LCLAT1: variants seen among roughly 807,000 people sequenced by gnomAD.
LCLAT1 encodes the protein 1-AGP acyltransferase 8.
In LCLAT1, 11 loss-of-function variants were observed where a neutral mutation model predicts 30.7. The ratio of observed to expected loss-of-function variants is 0.36; its 90% CI spans 0.23 to 0.59. The LOEUF is 0.59. Among genes scored for constraint, LCLAT1 ranks in the 20% least tolerant of loss-of-function variants. LCLAT1 has a pLI of 0.77. For missense variants in LCLAT1, 402 were observed against 458.6 expected (o/e 0.88, Z 1.13); for synonymous variants, 155 against 151.3 (o/e 1.02, Z -0.18).
intron 1 of LCLAT1, among the ~76,000 whole-genome samples, chr2:30,516,469 G>A (rs182471426): frequency 1.1e-4 from 17 of 152,286 alleles, no homozygotes; most frequent in African/African-American, 3.4e-4. Context: ...TTGTTTCTGC[G>A]CGGCTAAGTG....
chr2:30,630,298 T>G (rs531816856), intron 5 of LCLAT1, among the ~76,000 whole-genome samples: 12 of 152,154 alleles, frequency 7.9e-5, no homozygotes, highest in African/African-American at 2.9e-4. Flanking sequence ...TATAGTCACA[T>G]TGGGGGTTAG....
At chr2:30,485,626 T>A (rs1683526430) in intron 1 of LCLAT1, among the ~76,000 whole-genome samples, 1 of 152,186 alleles carries the variant, frequency 6.6e-6, no homozygotes, top group Non-Finnish European at 1.5e-5. Flanking sequence ...CATAGTTGAA[T>A]GATGACATTT....
intron 5 of LCLAT1, among the ~76,000 whole-genome samples, chr2:30,613,074 C>T (rs7597579): frequency 0.13 from 19,803 of 152,060 alleles, 1,394 homozygotes; most frequent in South Asian, 0.23. Flanking sequence ...GGAACAATAA[C>T]GTGCCTGAGA....
intron 5 of LCLAT1, among the ~76,000 whole-genome samples, chr2:30,638,764 C>T (rs560958311): frequency 2.6e-5 from 4 of 152,234 alleles, no homozygotes; most frequent in South Asian, 2.1e-4. Flanking sequence ...ATTGACTCCT[C>T]CCTGCTCCTC....
chr2:30,512,410 G>A (rs1684981767), intron 1 of LCLAT1, among the ~76,000 whole-genome samples: 1 of 151,972 alleles, frequency 6.6e-6, no homozygotes, highest in Admixed American at 6.6e-5. Flanking sequence ...TCTTTTGTCT[G>A]CCTCAAGAGA....
intron 1 of LCLAT1, among the ~76,000 whole-genome samples, chr2:30,460,934 G>A (rs1025608109): frequency 6.6e-6 from 1 of 152,196 alleles, no homozygotes; most frequent in African/African-American, 2.4e-5. Flanking sequence ...TTCTTCAGGG[G>A]AGAGCAGGGA....
intron 5 of LCLAT1, among the ~76,000 whole-genome samples, chr2:30,572,438 C>T (rs1265447726): frequency 1.3e-5 from 2 of 152,206 alleles, no homozygotes; most frequent in Non-Finnish European, 2.9e-5. Context: ...AAGCTCAGAC[C>T]TATTGAATCA....
chr2:30,467,953 A>G (rs971102268), intron 1 of LCLAT1, among the ~76,000 whole-genome samples: 17 of 151,980 alleles, frequency 1.1e-4, no homozygotes, highest in Non-Finnish European at 2.5e-4. Flanking sequence ...ATTAGATCCC[A>G]TTTGTCAGTT....
intron 1 of LCLAT1, among the ~76,000 whole-genome samples, chr2:30,523,608 G>A (rs1685575978): frequency 1.3e-5 from 2 of 152,182 alleles, no homozygotes; most frequent in African/African-American, 2.4e-5. Context: ...AGTGGCTTAC[G>A]CCTGTAATCC....
intron 5 of LCLAT1, among the ~76,000 whole-genome samples, chr2:30,592,810 G>C (rs1312146437): frequency 6.6e-6 from 1 of 152,042 alleles, no homozygotes; most frequent in Non-Finnish European, 1.5e-5. Context: ...ATATGTAACA[G>C]TTGTATGTAT....
At chr2:30,457,586 A>C (rs1289340938) in intron 1 of LCLAT1, among the ~76,000 whole-genome samples, 1 of 152,104 alleles carries the variant, frequency 6.6e-6, no homozygotes, top group African/African-American at 2.4e-5. Context: ...CTGTTAAGCA[A>C]ATTCATTTCA....
At chr2:30,565,403 T>C (rs2148445677) in intron 4 of LCLAT1, among the ~76,000 whole-genome samples, 1 of 152,332 alleles carries the variant, frequency 6.6e-6, no homozygotes, top group East Asian at 1.9e-4. Flanking sequence ...GGTCATCTGC[T>C]GTACTCAGTC....
At chr2:30,557,065 G>A (rs1183820281) in intron 3 of LCLAT1, among the ~76,000 whole-genome samples, 1 of 152,026 alleles carries the variant, frequency 6.6e-6, no homozygotes, top group Non-Finnish European at 1.5e-5. Flanking sequence ...ATAATAATGT[G>A]ACATTGTTAC....
At chr2:30,580,340 A>G (rs1395446071) in intron 5 of LCLAT1, among the ~76,000 whole-genome samples, 1 of 152,150 alleles carries the variant, frequency 6.6e-6, no homozygotes, top group Non-Finnish European at 1.5e-5. Flanking sequence ...TATGCTGTCT[A>G]AGGTATCAGC....
At chr2:30,559,570 A>G (rs899746404) in intron 3 of LCLAT1, among the ~76,000 whole-genome samples, 3 of 152,140 alleles carry the variant, frequency 2.0e-5, no homozygotes, top group Non-Finnish European at 4.4e-5. Flanking sequence ...TTCTATTGCA[A>G]AGTTATCTTG....
At chr2:30,511,420 A>C (rs1326663035) in intron 1 of LCLAT1, among the ~76,000 whole-genome samples, 3 of 152,218 alleles carry the variant, frequency 2.0e-5, no homozygotes, top group Non-Finnish European at 4.4e-5. Context: ...GCCACTACCC[A>C]CATGTAGCTA....
chr2:30,573,508 T>A (rs1665872996), intron 5 of LCLAT1, among the ~76,000 whole-genome samples: 1 of 152,158 alleles, frequency 6.6e-6, no homozygotes, highest in South Asian at 2.1e-4. Flanking sequence ...ATGACCTACC[T>A]CTCTGGCTGT....
chr2:30,633,733 A>C (rs1212941917), intron 5 of LCLAT1, among the ~76,000 whole-genome samples: 6 of 152,200 alleles, frequency 3.9e-5, no homozygotes, highest in Non-Finnish European at 8.8e-5. Context: ...TAGTCTGCAT[A>C]TATTTGATTG....
chr2:30,568,928 C>G (rs551551572), intron 5 of LCLAT1, among the ~76,000 whole-genome samples: 4 of 143,842 alleles, frequency 2.8e-5, no homozygotes, highest in Non-Finnish European at 6.1e-5. Context: ...ATGTTTGGCT[C>G]TTAGGGTTTG....
Sources: gnomAD v4.1 joint callset for allele counts (sites outside exome capture counted in the v4.1 genomes callset) on GRCh38, gnomAD v4.1.1 for gene constraint, MANE v1.5 for transcripts, NCBI Gene and HGNC (gene_info 2026-07-23, HGNC 2026-07-21) for gene names.